The following THSD7B variants were observed in gnomAD, a reference collection of about 807,000 sequenced individuals.
THSD7B encodes thrombospondin type-1 domain-containing protein 7B.
In THSD7B, 138 loss-of-function variants were observed where a neutral mutation model predicts 213.6. That is an observed-to-expected ratio of 0.65 (90% CI 0.56 to 0.74). THSD7B has a LOEUF of 0.74. Ranked by LOEUF, THSD7B falls within the 30% of genes least tolerant of loss-of-function variation. THSD7B has a pLI of 0.00. For synonymous variants in THSD7B, 742 were observed against 687.0 expected (o/e 1.08, Z -1.25); for missense variants, 1,931 against 1,991.5 (o/e 0.97, Z 0.58).
chr2:137,059,709 A>G (rs1484436747), intron 3 of THSD7B, among the ~76,000 whole-genome samples: 1 of 152,138 alleles, frequency 6.6e-6, no homozygotes, highest in Admixed American at 6.6e-5. Flanking sequence ...GTGACTTGGT[A>G]GCTTATTTCT....
chr2:137,089,869 TGTG>T (rs1334203862), intron 3 of THSD7B, among the ~76,000 whole-genome samples: 1 of 151,806 alleles, frequency 6.6e-6, no homozygotes, highest in African/African-American at 2.4e-5. Context: ...ATTAGCCGGG[TGTG>T]GTGGTGCACC....
chr2:137,373,443 G>A (rs1276597964), intron 12 of THSD7B, among the ~76,000 whole-genome samples: 1 of 152,182 alleles, frequency 6.6e-6, no homozygotes, highest in Non-Finnish European at 1.5e-5. Context: ...TTTCTCTGAT[G>A]GCCAGTGATG....
intron 10 of THSD7B, among the ~76,000 whole-genome samples, chr2:137,259,189 G>A (rs531499091): frequency 2.0e-4 from 30 of 152,074 alleles, no homozygotes; most frequent in Non-Finnish European, 2.9e-4. Flanking sequence ...ATAATCCTTT[G>A]GGTATATACC....
At chr2:137,460,911 A>G (rs1295833031) in intron 15 of THSD7B, among the ~76,000 whole-genome samples, 2 of 152,236 alleles carry the variant, frequency 1.3e-5, no homozygotes, top group African/African-American at 4.8e-5. Flanking sequence ...GATTTTTAAC[A>G]TAATAGATTA....
chr2:136,780,926 G>A (rs1265141989), intron 1 of THSD7B, among the ~76,000 whole-genome samples: 1 of 152,118 alleles, frequency 6.6e-6, no homozygotes, highest in Non-Finnish European at 1.5e-5. Context: ...AGAAGGGGGT[G>A]GATAGCCGTA....
At chr2:137,648,358 T>G (rs1337440784) in intron 21 of THSD7B, among the ~76,000 whole-genome samples, 2 of 150,766 alleles carry the variant, frequency 1.3e-5, no homozygotes, top group African/African-American at 4.9e-5. Flanking sequence ...TACCCATTAA[T>G]CAACCTGTCT....
At chr2:137,294,891 C>G (rs1027424268) in intron 12 of THSD7B, among the ~76,000 whole-genome samples, 30 of 151,978 alleles carry the variant, frequency 2.0e-4, no homozygotes, top group Admixed American at 1.6e-3. Context: ...AAAATCAATG[C>G]CTTGATGCTT....
intron 13 of THSD7B, among the ~76,000 whole-genome samples, chr2:137,411,148 G>T (rs1022670886): frequency 6.6e-6 from 1 of 152,200 alleles, no homozygotes; most frequent in Admixed American, 6.5e-5. Context: ...CTGCCTGATG[G>T]CAGAGACCAA....
rs1352240604 is a variant in THSD7B at position 137,546,376 on chromosome 2, AAT to A, written c.3139-16836_3139-16835del. On this transcript the variant is annotated intron_variant, in intron 15 of 27. Coordinates refer to ENST00000409968, the MANE Select transcript of THSD7B (RefSeq NM_001316349.2). ...ATATATATATATTATATATATATAT[AAT>A]ATATATATTATATATATTATATATA... Among the ~76,000 whole-genome samples the A allele has an allele frequency of 5.6e-3, 247 of 44,362 alleles. 32 individuals carry two copies. Among genetic ancestry groups the A allele is most frequent in the African/African-American group, 0.025 (241 of 9,498 alleles). The allele number at this position is 44,362 out of a possible 152,430, so 29.1% of individuals were successfully genotyped here.
intron 2 of THSD7B, among the ~76,000 whole-genome samples, chr2:136,926,699 G>GA (rs1269145158): frequency 6.8e-5 from 2 of 29,316 alleles, no homozygotes; most frequent in African/African-American, 3.6e-4. Context: ...ATCTGAAAAA[G>GA]AAAAAGAAAA....
chr2:136,915,247 A>T (rs1684330798), intron 2 of THSD7B, among the ~76,000 whole-genome samples: 1 of 152,194 alleles, frequency 6.6e-6, no homozygotes, highest in African/African-American at 2.4e-5. Context: ...CTTACAAAAA[A>T]TCCTTTCCAA....
intron 1 of THSD7B, among the ~76,000 whole-genome samples, chr2:136,835,662 A>G (rs940492552): frequency 6.6e-6 from 1 of 152,176 alleles, no homozygotes; most frequent in Non-Finnish European, 1.5e-5. Context: ...TAGCATCTTC[A>G]TTCTATGTTG....
chr2:137,332,938 T>TA (rs2104896376), intron 12 of THSD7B, among the ~76,000 whole-genome samples: 1 of 152,320 alleles, frequency 6.6e-6, no homozygotes, highest in East Asian at 1.9e-4. Flanking sequence ...GGCAGTTCTT[T>TA]ATAGCAGCAT....
At chr2:137,521,487 C>G (rs1573682378) in intron 15 of THSD7B, among the ~76,000 whole-genome samples, 1 of 152,142 alleles carries the variant, frequency 6.6e-6, no homozygotes, top group East Asian at 1.9e-4. Flanking sequence ...AAGGAAAAAT[C>G]TCCCCCATCC....
chr2:137,527,993 T>G (rs1326493647), intron 15 of THSD7B, among the ~76,000 whole-genome samples: 1 of 152,108 alleles, frequency 6.6e-6, no homozygotes, highest in African/African-American at 2.4e-5. Flanking sequence ...TAAGAATCAA[T>G]AAATTCCCCC....
chr2:137,581,245 G>A (rs1041229158), intron 17 of THSD7B, among the ~76,000 whole-genome samples: 3 of 152,132 alleles, frequency 2.0e-5, no homozygotes, highest in African/African-American at 7.2e-5. Context: ...GTATGATAAA[G>A]CAGAGCTTCT....
At chr2:137,129,055 T>G (rs1688677855) in intron 5 of THSD7B, among the ~76,000 whole-genome samples, 1 of 152,164 alleles carries the variant, frequency 6.6e-6, no homozygotes, top group Non-Finnish European at 1.5e-5. Context: ...ACGTGGCTTT[T>G]TTTCATGACC....
intron 15 of THSD7B, among the ~76,000 whole-genome samples, chr2:137,485,859 G>T (rs1212398054): frequency 6.6e-6 from 1 of 152,050 alleles, no homozygotes; most frequent in Non-Finnish European, 1.5e-5. Flanking sequence ...TTAAAGAAAA[G>T]AATTTTCAAC....
In THSD7B at chr2:137,618,386, C is replaced by T; in HGVS notation, c.3566-6C>T. The stretch of plus-strand genomic sequence containing the variant: ...AAACTCAGTGTGGGTGATCCTATGC[C>T]TGTAGAGTGGAGCACATGCCAGCTG... On this transcript the variant is annotated splice_region_variant and splice_polypyrimidine_tract_variant and intron_variant, in intron 18 of 27. Coordinates refer to ENST00000409968, the MANE Select transcript of THSD7B (RefSeq NM_001316349.2). The T allele has an allele frequency of 6.2e-7, 1 of 1,613,066 alleles. No homozygotes were observed.
Sources: gnomAD v4.1 joint callset for allele counts (sites outside exome capture counted in the v4.1 genomes callset) on GRCh38, gnomAD v4.1.1 for gene constraint, MANE v1.5 for transcripts, NCBI Gene and HGNC (gene_info 2026-07-23, HGNC 2026-07-21) for gene names.